The following UNC5C variants were observed in gnomAD, a reference collection of about 807,000 sequenced individuals.
The protein encoded by UNC5C is netrin receptor UNC5C.
A neutral mutation model predicts 99.8 loss-of-function variants in UNC5C; 47 were observed. The observed-to-expected ratio is 0.47, with a 90% CI of 0.37 to 0.60. The LOEUF is 0.60. Ranked by LOEUF, UNC5C falls within the 20% of genes least tolerant of loss-of-function variation. The probability of loss-of-function intolerance (pLI) is 0.00; values close to 1 mark genes in which losing one functional copy is unlikely to be tolerated. For synonymous variants in UNC5C, 487 were observed against 452.2 expected (o/e 1.08, Z -0.98); for missense variants, 1,062 against 1,165.9 (o/e 0.91, Z 1.30).
chr4:95,525,748 T>TA (rs1722483222), intron 1 of UNC5C, among the ~76,000 whole-genome samples: 2 of 152,106 alleles, frequency 1.3e-5, no homozygotes, highest in South Asian at 4.1e-4. Context: ...ATAGAGTAAC[T>TA]ACTCTACTCA....
intron 3 of UNC5C, among the ~76,000 whole-genome samples, chr4:95,279,867 G>A (rs1740990426): frequency 6.6e-6 from 1 of 152,110 alleles, no homozygotes; most frequent in African/African-American, 2.4e-5. Flanking sequence ...CTGGGGCGGG[G>A]CATGGGGGGG....
At chr4:95,412,103 T>G (rs1337103911) in intron 1 of UNC5C, among the ~76,000 whole-genome samples, 1 of 152,094 alleles carries the variant, frequency 6.6e-6, no homozygotes. Flanking sequence ...TGCGTGAGCT[T>G]CTTCATCTCA....
intron 1 of UNC5C, among the ~76,000 whole-genome samples, chr4:95,342,799 G>T (rs910973096): frequency 6.6e-5 from 10 of 151,630 alleles, no homozygotes; most frequent in Admixed American, 1.3e-4. Flanking sequence ...GGGGCCCACT[G>T]CCCTGAAGGA....
intron 2 of UNC5C, among the ~76,000 whole-genome samples, chr4:95,307,453 C>G (rs1429435105): frequency 6.6e-6 from 1 of 151,964 alleles, no homozygotes; most frequent in Non-Finnish European, 1.5e-5. Flanking sequence ...AATAGAAAAC[C>G]TGAACAGACC....
intron 3 of UNC5C, among the ~76,000 whole-genome samples, chr4:95,297,740 C>G (rs1248895195): frequency 1.3e-5 from 2 of 152,218 alleles, no homozygotes; most frequent in African/African-American, 2.4e-5. Context: ...TCTTCTTTCT[C>G]TCACATCACA....
chr4:95,546,527 C>T (rs1723073225), intron 1 of UNC5C, among the ~76,000 whole-genome samples: 1 of 152,204 alleles, frequency 6.6e-6, no homozygotes, highest in African/African-American at 2.4e-5. Flanking sequence ...GTGCATTTTA[C>T]AGACCATGAG....
intron 12 of UNC5C, among the ~76,000 whole-genome samples, chr4:95,200,156 C>CTT (rs1579224533): frequency 1.3e-5 from 2 of 152,188 alleles, no homozygotes; most frequent in East Asian, 3.9e-4. Flanking sequence ...TCCCAGTGGA[C>CTT]TTATCCTGGA....
chr4:95,175,791 G>T (rs889175920), intron 14 of UNC5C, among the ~76,000 whole-genome samples: 1 of 152,122 alleles, frequency 6.6e-6, no homozygotes, highest in Admixed American at 6.6e-5. Flanking sequence ...GTGTTGGCCT[G>T]CCTTGCTAGA....
In UNC5C at chr4:95,488,369, C is replaced by T. The variant is rs368098953; in HGVS notation, c.124+60365G>A. On this transcript the variant is annotated intron_variant, in intron 1 of 15. Transcript: ENST00000453304. Reference sequence around the variant, plus strand: ...ATAAATGCAAAAGAAAAAAGAAAAACGAATTACACTTTATATCCTCCTTGA... The same window carrying T: ...ATAAATGCAAAAGAAAAAAGAAAAATGAATTACACTTTATATCCTCCTTGA... Among the ~76,000 whole-genome samples the T allele has an allele frequency of 4.0e-5, 6 of 151,688 alleles. No individual in the cohort carries two copies. The South Asian group carries it at 8.3e-4, about 21-fold the overall frequency.
At chr4:95,523,083 G>C (rs908802998) in intron 1 of UNC5C, among the ~76,000 whole-genome samples, 1 of 152,214 alleles carries the variant, frequency 6.6e-6, no homozygotes, top group African/African-American at 2.4e-5. Context: ...CCACAGGAAA[G>C]GGGGAGAGTG....
rs148000655 is a variant in UNC5C, at chr4:95,210,900, T to C, written c.1734-4104A>G. On this transcript the variant is annotated intron_variant, in intron 10 of 15. Coordinates refer to ENST00000453304, the MANE Select transcript of UNC5C (RefSeq NM_003728.4). ...AAGCCATTGCATTTGCTGCTCATGG[T>C]ACACCTGTATGGCAGTGTATGTCTA... Among the ~76,000 whole-genome samples, 11 of 152,354 alleles carry C rather than the reference T, an allele frequency of 7.2e-5. No individual in the cohort carries two copies. In the East Asian group the frequency reaches 2.1e-3, roughly 29 times the overall value.
At chr4:95,371,712 GTGTT>G (rs897713458) in intron 1 of UNC5C, among the ~76,000 whole-genome samples, 1 of 152,118 alleles carries the variant, frequency 6.6e-6, no homozygotes, top group South Asian at 2.1e-4. Flanking sequence ...GGCTACGTAA[GTGTT>G]TGTTCAATAA....
intron 1 of UNC5C, among the ~76,000 whole-genome samples, chr4:95,433,293 C>A (rs778978374): frequency 1.3e-5 from 2 of 152,024 alleles, no homozygotes; most frequent in Admixed American, 6.6e-5. Context: ...ATGCAGGTAT[C>A]AATTCCATAA....
At chr4:95,181,625 G>C (rs566124368) in intron 14 of UNC5C, among the ~76,000 whole-genome samples, 3 of 152,112 alleles carry the variant, frequency 2.0e-5, no homozygotes, top group Admixed American at 6.5e-5. Context: ...CTGCGCATCC[G>C]AAGGCCTGGC....
At chr4:95,456,421 A>T (rs17381944) in intron 1 of UNC5C, among the ~76,000 whole-genome samples, 26,982 of 151,972 alleles carry the variant, frequency 0.18, 2,739 homozygotes, top group Non-Finnish European at 0.23. Context: ...GCTTTGGTAA[A>T]CTCAACTGTA....
intron 1 of UNC5C, among the ~76,000 whole-genome samples, chr4:95,381,728 T>A (rs1429916611): frequency 1.3e-5 from 2 of 152,208 alleles, no homozygotes; most frequent in South Asian, 2.1e-4. Context: ...ATGTATTGCA[T>A]ATACATTGAT....
chr4:95,367,259 T>G (rs1178846547), intron 1 of UNC5C, among the ~76,000 whole-genome samples: 2 of 151,608 alleles, frequency 1.3e-5, no homozygotes, highest in African/African-American at 4.8e-5. Context: ...GCCTCCACTT[T>G]CTGGGCTCAA....
chr4:95,305,092 T>C (rs1301432065), intron 2 of UNC5C, among the ~76,000 whole-genome samples: 2 of 152,276 alleles, frequency 1.3e-5, no homozygotes, highest in Non-Finnish European at 2.9e-5. Flanking sequence ...CACACACTGA[T>C]TTTTGTATTC....
intron 4 of UNC5C, among the ~76,000 whole-genome samples, chr4:95,265,676 G>A (rs1365369532): frequency 1.3e-5 from 2 of 152,136 alleles, no homozygotes; most frequent in Non-Finnish European, 2.9e-5. Context: ...GACAATTTGT[G>A]TCATTATAAT....
Sources: allele counts gnomAD v4.1 joint callset (sites outside exome capture counted in the v4.1 genomes callset), GRCh38; gene constraint gnomAD v4.1.1; transcripts MANE v1.5; gene names NCBI Gene and HGNC (gene_info 2026-07-23, HGNC 2026-07-21).